The following TAMALIN variants were observed in gnomAD, a reference collection of about 807,000 sequenced individuals.
The protein encoded by TAMALIN is protein TAMALIN.
Under a neutral mutation model 38.5 loss-of-function variants are expected in TAMALIN, and 9 were observed. That is an observed-to-expected ratio of 0.23 (90% CI 0.14 to 0.41). TAMALIN has a LOEUF of 0.41. TAMALIN is among the 10% of genes least tolerant of loss of function. TAMALIN has a pLI of 1.00. For synonymous variants in TAMALIN, 306 were observed against 256.5 expected (o/e 1.19, Z -1.85); for missense variants, 548 against 554.1 (o/e 0.99, Z 0.11).
chr12:52,014,907 C>T lies in TAMALIN; in HGVS notation c.896C>T (p.Pro299Leu), dbSNP rs1937758479. The change falls in exon 8 of 8, where the codon CCG (proline) becomes CTG (leucine). Residue 299 changes from proline to leucine, a missense_variant. Physicochemically the swap from Pro to Leu is moderately conservative, Grantham distance 98. This residue lies in a region of TAMALIN where 415 missense variants were observed against 417.0 expected (regional missense o/e 1.00). Transcript: ENST00000293662. Reference sequence around the variant, plus strand: ...GGGGACTCCGAGCCGCCGGCGCTGCCGCCCCCGCCGCCCCCGGCCCGCGCC... The same window carrying T: ...GGGGACTCCGAGCCGCCGGCGCTGCTGCCCCCGCCGCCCCCGGCCCGCGCC... ...FFGDSEPPAL[P>L]PPPPPARAFG... 8.9e-7 allele frequency: 1 copy of T among 1,123,734 alleles called. No individual in the cohort carries two copies. The highest frequency in any genetic ancestry group is 1.1e-6 in the Non-Finnish European group (1 of 912,250). 69.6% of individuals were successfully genotyped at this position (1,123,734 alleles called of 1,614,324 possible). A position where few individuals can be genotyped will look rare whatever the true frequency, so the allele number is the denominator to read the frequency against.
Position 52,007,743 on chromosome 12 carries a change from T to G in TAMALIN, c.246+478T>G, listed in dbSNP as rs1942439019. 1 of 985,382 alleles carries G rather than the reference T, an allele frequency of 1.0e-6. No homozygotes were observed. 61.0% of individuals were successfully genotyped at this position (985,382 alleles called of 1,614,324 possible). A position where few individuals can be genotyped will look rare whatever the true frequency, so the allele number is the denominator to read the frequency against. ...TGCGTGGGGAGCCGCTGACTCCGGATAGCACACCCTTCCGAGGGGACTCCC... is the reference window on the plus strand; with the variant it reads ...TGCGTGGGGAGCCGCTGACTCCGGAGAGCACACCCTTCCGAGGGGACTCCC... On this transcript the variant is annotated intron_variant, in intron 1 of 7. Transcript: ENST00000293662. The surrounding 1 kb of genome is among the most constrained non-coding windows in gnomAD (Gnocchi z 6.7).
rs975027632 is a variant in TAMALIN, at chr12:52,007,010, C to A, written c.-10C>A. The A allele has an allele frequency of 2.2e-6, 3 of 1,382,586 alleles. No homozygotes were observed. The highest frequency in any genetic ancestry group is 1.9e-6 in the Non-Finnish European group (2 of 1,074,306). The allele number at this position is 1,382,586 out of a possible 1,614,324, so 85.6% of individuals were successfully genotyped here. A position where few individuals can be genotyped will look rare whatever the true frequency, so the allele number is the denominator to read the frequency against. ...AGCGCCGTCTCTGAGGGGCGTCCGG[C>A]GCCGGAGCCATGACCCTCCGCCGAC... is the stretch of plus-strand genomic sequence containing the variant. On this transcript the variant is annotated 5_prime_UTR_variant, in exon 1 of 8. Transcript: ENST00000293662. This position sits in a 1 kb window ranked among gnomAD's most constrained non-coding sequence, Gnocchi z 6.7.
chr12:52,015,028 T>TGGCGGG lies in TAMALIN; in HGVS notation c.1023_1028dup (p.Gly345_Gly346dup). The TGGCGGG allele has an allele frequency of 7.7e-7, 1 of 1,293,758 alleles. No homozygotes were observed. Among genetic ancestry groups the TGGCGGG allele is most frequent in the South Asian group, 1.8e-5 (1 of 56,972 alleles). The allele number at this position is 1,293,758 out of a possible 1,614,324, so 80.1% of individuals were successfully genotyped here. A position where few individuals can be genotyped will look rare whatever the true frequency, so the allele number is the denominator to read the frequency against. On this transcript the variant is annotated inframe_insertion, in exon 8 of 8. Transcript: ENST00000293662. The stretch of plus-strand genomic sequence containing the variant: ...GCGCCAGTGTGCGGTGCGCGGGCCC[T>TGGCGGG]GGCGGGGGCGGAGGCGGGGGCGCGC...
At position 52,011,738 on chromosome 12, in the gene TAMALIN, T is replaced by C. The variant is rs1937650971; in HGVS notation, c.454+597T>C. Among the ~76,000 whole-genome samples the C allele has an allele frequency of 6.6e-6, 1 of 151,874 alleles. No homozygotes were observed. Among genetic ancestry groups the C allele is most frequent in the Non-Finnish European group, 1.5e-5 (1 of 67,984 alleles). ...CTCTTGCCTCTGCCTCCCAAAGCAA[T>C]ATGTTACTTCCTCTAACAAGGAAAT... On this transcript the variant is annotated intron_variant, in intron 4 of 7. Transcript: ENST00000293662. The surrounding 1 kb of genome is among the most constrained non-coding windows in gnomAD (Gnocchi z 5.3).
intron 4 of TAMALIN, 119 bp from the exon 5 acceptor site, chr12:52,013,568 G>A: frequency 4.0e-6 from 3 of 743,474 alleles, no homozygotes; most frequent in Non-Finnish European, 7.1e-6. Context: ...TTGGAGGAGG[G>A]AGTTCAGGAG....
At position 52,007,000 on chromosome 12, in the gene TAMALIN, G is replaced by A; in HGVS notation, c.-20G>A. The stretch of plus-strand genomic sequence containing the variant: ...GAGGGGAGCCAGCGCCGTCTCTGAG[G>A]GGCGTCCGGCGCCGGAGCCATGACC... On this transcript the variant is annotated 5_prime_UTR_variant, in exon 1 of 8. Transcript: ENST00000293662. 7.3e-7 allele frequency: 1 copy of A among 1,367,132 alleles called. No homozygotes were observed. Among genetic ancestry groups the A allele is most frequent in the Non-Finnish European group, 9.4e-7 (1 of 1,066,824 alleles). The allele number at this position is 1,367,132 out of a possible 1,614,324, so 84.7% of individuals were successfully genotyped here.
Position 52,014,702 on chromosome 12 carries a change from G to A in TAMALIN, c.691G>A (p.Val231Met). 3 of 1,502,456 alleles carry A rather than the reference G, an allele frequency of 2.0e-6. No individual in the cohort carries two copies. Among genetic ancestry groups the A allele is most frequent in the South Asian group, 1.3e-5 (1 of 74,676 alleles). 93.1% of individuals were successfully genotyped at this position (1,502,456 alleles called of 1,614,324 possible). A position where few individuals can be genotyped will look rare whatever the true frequency, so the allele number is the denominator to read the frequency against. Residue 231 changes from valine to methionine, a missense_variant, in exon 8 of 8, where the codon GTG becomes ATG. By Grantham distance (21) the Val-to-Met change is conservative. Coordinates refer to ENST00000293662, the MANE Select transcript of TAMALIN (RefSeq NM_181711.4). ...CTCCCGTCTCTGCGCAGGCCTGGTG[G>A]TGAAGGACCCCAGCATCTACGACAC... ...QEQRLVHGLV[V>M]KDPSIYDTLE...
Position 52,007,070 on chromosome 12 carries a change from C to G in TAMALIN, c.51C>G (p.Ala17=). 6.8e-7 allele frequency: 1 copy of G among 1,462,544 alleles called. No individual in the cohort carries two copies. The highest frequency in any genetic ancestry group is 9.0e-7 in the Non-Finnish European group (1 of 1,114,434). 90.6% of individuals were successfully genotyped at this position (1,462,544 alleles called of 1,614,324 possible). A position where few individuals can be genotyped will look rare whatever the true frequency, so the allele number is the denominator to read the frequency against. ...RKLQQKEEAA[A]TPDPAARTPD... ...TGCAGCAGAAGGAGGAGGCGGCGGCCACCCCGGACCCCGCCGCCCGGACTC... is the reference window on the plus strand; with the variant it reads ...TGCAGCAGAAGGAGGAGGCGGCGGCGACCCCGGACCCCGCCGCCCGGACTC... Residue 17 remains alanine (A), a synonymous_variant, in exon 1 of 8, where the codon GCC becomes GCG. Transcript: ENST00000293662. The surrounding 1 kb of genome is among the most constrained non-coding windows in gnomAD (Gnocchi z 6.7).
In TAMALIN at chr12:52,007,631, C is replaced by T. The variant is rs960760854; in HGVS notation, c.246+366C>T. 4.6e-5 allele frequency: 45 copies of T among 985,266 alleles called. No homozygotes were observed. Among genetic ancestry groups the T allele is most frequent in the Non-Finnish European group, 5.1e-5 (42 of 829,908 alleles). The allele number at this position is 985,266 out of a possible 1,614,324, so 61.0% of individuals were successfully genotyped here. ...GAGCCCCTCGCCCGAGGGACAGAGA[C>T]AGCCCCAGGCAAGTTGAAGGTCCGA... On this transcript the variant is annotated intron_variant, in intron 1 of 7. Transcript: ENST00000293662. The surrounding 1 kb of genome is among the most constrained non-coding windows in gnomAD (Gnocchi z 6.7).
intron 2 of TAMALIN, among the ~76,000 whole-genome samples, chr12:52,009,992 T>G (rs1017983360): frequency 2.6e-5 from 4 of 152,114 alleles, no homozygotes; most frequent in Admixed American, 6.5e-5. Context: ...GCAGAAAAAG[T>G]TTGCTGACCC....
rs566783152 is a variant in TAMALIN at position 52,010,442 on chromosome 12, A to C, written c.297-439A>C. On this transcript the variant is annotated intron_variant, in intron 2 of 7. Transcript: ENST00000293662. ...GGCTGGCCCCAGCATAGCTGGGAGG[A>C]GCAGCTGTGGTCTTGCTGAGCCTCG... 2.2e-5 allele frequency: 21 copies of C among 940,590 alleles called. No homozygotes were observed. The African/African-American group carries it at 3.2e-4, about 14-fold the overall frequency. 58.3% of individuals were successfully genotyped at this position (940,590 alleles called of 1,614,324 possible).
Position 52,006,966 on chromosome 12 carries a change from A to G in TAMALIN, c.-54A>G, listed in dbSNP as rs939345870. 2.9e-6 allele frequency: 3 copies of G among 1,019,546 alleles called. No individual in the cohort carries two copies. The highest frequency in any genetic ancestry group is 1.2e-6 in the Non-Finnish European group (1 of 855,676). The allele number at this position is 1,019,546 out of a possible 1,614,324, so 63.2% of individuals were successfully genotyped here. On this transcript the variant is annotated 5_prime_UTR_variant, in exon 1 of 8. Transcript: ENST00000293662. ...CGGCTGGCATCCCCCAGCCGCCGCC[A>G]GCCCCGCCGAGGGGAGCCAGCGCCG... is the stretch of plus-strand genomic sequence containing the variant.
Position 52,007,260 on chromosome 12 carries a change from C to T in TAMALIN, c.241C>T (p.Arg81Ter). The T allele has an allele frequency of 7.1e-7, 1 of 1,403,182 alleles. No homozygotes were observed. The highest frequency in any genetic ancestry group is 9.2e-7 in the Non-Finnish European group (1 of 1,081,838). The allele number at this position is 1,403,182 out of a possible 1,614,324, so 86.9% of individuals were successfully genotyped here. A position where few individuals can be genotyped will look rare whatever the true frequency, so the allele number is the denominator to read the frequency against. ...LAVSGGTLPR[R>*]KGSGFRWKNL... ...CGTGTCCGGGGGCACCCTGCCCCGC[C>T]GAAAGGTGCGTCCCCCGCCCGCCTT... The change falls in exon 1 of 8, where the codon CGA (arginine) becomes TGA (stop). Residue 81 changes from arginine to a stop codon, truncating the protein, a stop_gained. Coordinates refer to ENST00000293662, the MANE Select transcript of TAMALIN (RefSeq NM_181711.4). LOFTEE classifies it high-confidence loss of function. The surrounding 1 kb of genome is among the most constrained non-coding windows in gnomAD (Gnocchi z 6.7).
rs1215047335 is a variant in TAMALIN, at chr12:52,015,323, C to T, written c.*124C>T. On this transcript the variant is annotated 3_prime_UTR_variant, in exon 8 of 8. Transcript: ENST00000293662. ...AGCGGGAGAGGGTCCTTCCTAGCCTCGGCCCGCCGGGTCGGTTCCTGGCTG... is the reference window on the plus strand; with the variant it reads ...AGCGGGAGAGGGTCCTTCCTAGCCTTGGCCCGCCGGGTCGGTTCCTGGCTG... The T allele has an allele frequency of 5.9e-6, 7 of 1,186,078 alleles. No individual in the cohort carries two copies. Among genetic ancestry groups the T allele is most frequent in the Non-Finnish European group, 7.8e-6 (7 of 898,270 alleles). The allele number at this position is 1,186,078 out of a possible 1,614,324, so 73.5% of individuals were successfully genotyped here.
At position 52,014,955 on chromosome 12, in the gene TAMALIN, C is replaced by A. The variant is rs1308561079; in HGVS notation, c.944C>A (p.Thr315Asn). ...GCCTTCGGCCCGGGCCCCGCCGAGA[C>A]CCCTGCCGTGGGGCCGGGCCCTGGG... Reference protein sequence around the residue: ...ARAFGPGPAETPAVGPGPGPR... With the variant: ...ARAFGPGPAENPAVGPGPGPR... The change falls in exon 8 of 8, where the codon ACC (threonine) becomes AAC (asparagine). Residue 315 changes from threonine to asparagine, a missense_variant. Physicochemically the swap from Thr to Asn is moderately conservative, Grantham distance 65 (BLOSUM62 0). Transcript: ENST00000293662. 5.1e-6 allele frequency: 5 copies of A among 980,190 alleles called. No homozygotes were observed. Among genetic ancestry groups the A allele is most frequent in the Non-Finnish European group, 6.1e-6 (5 of 824,038 alleles). The allele number at this position is 980,190 out of a possible 1,614,324, so 60.7% of individuals were successfully genotyped here.
chr12:52,015,431 C>T lies in TAMALIN; in HGVS notation c.*232C>T, dbSNP rs1351191238. On this transcript the variant is annotated 3_prime_UTR_variant, in exon 8 of 8. Coordinates refer to ENST00000293662, the MANE Select transcript of TAMALIN (RefSeq NM_181711.4). ...GTGGGAGCTGGGGCAGGGGGAGAGC[C>T]AGGCAATCGGGGGCCAAAGATGGGG... 1 of 512,444 alleles carries T rather than the reference C, an allele frequency of 2.0e-6. No homozygotes were observed. Among genetic ancestry groups the T allele is most frequent in the Non-Finnish European group, 3.4e-6 (1 of 294,532 alleles). 31.7% of individuals were successfully genotyped at this position (512,444 alleles called of 1,614,324 possible).
At position 52,011,027 on chromosome 12, in the gene TAMALIN, T is replaced by A. The variant is rs1159301538; in HGVS notation, c.352-12T>A. On this transcript the variant is annotated splice_polypyrimidine_tract_variant and intron_variant, in intron 3 of 7. Coordinates refer to ENST00000293662, the MANE Select transcript of TAMALIN (RefSeq NM_181711.4). The surrounding 1 kb of genome is among the most constrained non-coding windows in gnomAD (Gnocchi z 5.3). ...CCCAACCCTGGGCTGAGGGTCCCCT[T>A]GTCCATTACAGACTTATGGCCTTCA... 1 of 1,613,834 alleles carries A rather than the reference T, an allele frequency of 6.2e-7. No individual in the cohort carries two copies. Among genetic ancestry groups the A allele is most frequent in the Non-Finnish European group, 8.5e-7 (1 of 1,180,008 alleles).
chr12:52,010,875 T>C lies in TAMALIN; in HGVS notation c.297-6T>C, dbSNP rs200122233. On this transcript the variant is annotated splice_region_variant and splice_polypyrimidine_tract_variant and intron_variant, in intron 2 of 7. Transcript: ENST00000293662. ...CTAATTGTCTTGACCCCTGTGTCTCTTGCAGGAAAGTGCTGACGTTGGAGA... is the reference window on the plus strand; with the variant it reads ...CTAATTGTCTTGACCCCTGTGTCTCCTGCAGGAAAGTGCTGACGTTGGAGA... The C allele has an allele frequency of 4.3e-6, 7 of 1,614,042 alleles. No individual in the cohort carries two copies. In the Admixed American group the frequency reaches 6.7e-5, roughly 15 times the overall value.
intron 7 of TAMALIN, 139 bp downstream of exon 7, chr12:52,014,340 A>G: frequency 1.3e-6 from 1 of 754,466 alleles, no homozygotes; most frequent in Non-Finnish European, 2.3e-6. Context: ...TTGTTGAGCT[A>G]CTACTACTTT....
Sources: allele counts gnomAD v4.1 joint callset (sites outside exome capture counted in the v4.1 genomes callset), GRCh38; gene constraint gnomAD v4.1.1; regional missense constraint gnomAD v4.1.1; non-coding constraint Gnocchi (gnomAD v3.1); transcripts MANE v1.5; gene names NCBI Gene and HGNC (gene_info 2026-07-23, HGNC 2026-07-21).